UACA: variants seen among roughly 807,000 people sequenced by gnomAD.
The protein encoded by UACA is uveal autoantigen with coiled-coil domains and ankyrin repeats, also known as nuclear membrane binding protein.
Under a neutral mutation model 160.5 loss-of-function variants are expected in UACA, and 112 were observed. The observed-to-expected ratio is 0.70, with a 90% CI of 0.60 to 0.82. The LOEUF is 0.82. UACA is among the 40% of genes least tolerant of loss of function. UACA has a pLI of 0.00. For synonymous variants in UACA, 557 were observed against 568.4 expected, an observed-to-expected ratio of 0.98 and a Z score of 0.29; for missense variants, 1,574 against 1,614.6, an observed-to-expected ratio of 0.97 and a Z score of 0.43.
In UACA at chr15:70,668,531, T is replaced by G. The variant is rs1435955969; in HGVS notation, c.2153A>C (p.Glu718Ala). The G allele has an allele frequency of 3.1e-6, 5 of 1,610,184 alleles. No individual in the cohort carries two copies. Among genetic ancestry groups the G allele is most frequent in the Admixed American group, 1.7e-5 (1 of 59,332 alleles). Residue 718 changes from glutamate (E) to alanine (A), a missense_variant, in exon 16 of 19, where the codon GAA becomes GCA. Physicochemically the swap from Glu to Ala is moderately radical, Grantham distance 107. Transcript: ENST00000322954. ...ATTATCCAAATAAACTTTTTCAATT[T>G]CCTTTTGTAGTGTCTGATTTTTCAA... is the stretch of plus-strand genomic sequence containing the variant. ...LTLKNQTLQK[E>A]IEKVYLDNKL...
rs576352018 is a variant in UACA, at chr15:70,699,582, T to C, written c.157A>G (p.Ile53Val). Reference protein sequence around the residue: ...ERGDVEKVTSILAKKGVNPGK... With the variant: ...ERGDVEKVTSVLAKKGVNPGK... Reference sequence around the variant, plus strand: ...GGATTGACCCCCTTTTTAGCAAGGATTGAGGTCACTTTTTCTACATCCCCC... The same window carrying C: ...GGATTGACCCCCTTTTTAGCAAGGACTGAGGTCACTTTTTCTACATCCCCC... Residue 53 changes from isoleucine (I) to valine (V), a missense_variant, in exon 2 of 19, where the codon ATC becomes GTC. Ile to Val is a conservative substitution (Grantham distance 29). Transcript: ENST00000322954. 2 of 1,611,330 alleles carry C rather than the reference T, an allele frequency of 1.2e-6. No individual in the cohort carries two copies. The highest frequency in any genetic ancestry group is 8.5e-7 in the Non-Finnish European group (1 of 1,179,382).
chr15:70,708,469 T>C (rs1898583669), intron 1 of UACA, among the ~76,000 whole-genome samples: 1 of 152,020 alleles, frequency 6.6e-6, no homozygotes, highest in Non-Finnish European at 1.5e-5. Context: ...ACTATCTTTT[T>C]TTTTTTTTTT....
At chr15:70,659,137 C>T (rs1199745179) in intron 18 of UACA, among the ~76,000 whole-genome samples, 1 of 152,016 alleles carries the variant, frequency 6.6e-6, no homozygotes, top group African/African-American at 2.4e-5. Flanking sequence ...CTAATAATTG[C>T]AATAAACTTT....
At position 70,684,335 on chromosome 15, in the gene UACA, G is replaced by A. The variant is rs1240582913; in HGVS notation, c.714C>T (p.Tyr238=). The change falls in exon 8 of 19, where the codon TAC becomes TAT. Residue 238 remains tyrosine, a synonymous_variant. Coordinates refer to ENST00000322954, the MANE Select transcript of UACA (RefSeq NM_018003.4). The part of the protein sequence containing the change: ...LLDALGHDSS[Y]YARIGDNLDI... ...CCAGATTGTCACCAATTCTTGCATA[G>A]TAAGAACTATCATGGCCAAGCGCAT... The A allele has an allele frequency of 1.2e-6, 2 of 1,613,764 alleles. No homozygotes were observed. Among genetic ancestry groups the A allele is most frequent in the Middle Eastern group, 1.7e-4 (1 of 6,054 alleles).
At chr15:70,680,034 TAAA>T (rs11333471) in intron 9 of UACA, 15 of 141,634 alleles carry the variant, frequency 1.1e-4, no homozygotes, top group Non-Finnish European at 1.2e-4. Context: ...GAACTCAACT[TAAA>T]AAAAAAAAAA....
chr15:70,672,955 G>A (rs1897186702), intron 13 of UACA, among the ~76,000 whole-genome samples: 2 of 152,138 alleles, frequency 1.3e-5, no homozygotes, highest in South Asian at 4.1e-4. Flanking sequence ...AATTAGCTGG[G>A]TGTGGTGGCG....
chr15:70,752,278 G>T (rs1220596174), intron 1 of UACA, among the ~76,000 whole-genome samples: 2 of 149,140 alleles, frequency 1.3e-5, no homozygotes, highest in African/African-American at 4.9e-5. Context: ...TGTAAATCAG[G>T]AAGTGTTTGT....
chr15:70,707,532 G>A (rs1898556046), intron 1 of UACA, among the ~76,000 whole-genome samples: 1 of 151,938 alleles, frequency 6.6e-6, no homozygotes, highest in Non-Finnish European at 1.5e-5. Flanking sequence ...CTAATAAGGG[G>A]CTAATACATA....
intron 9 of UACA, among the ~76,000 whole-genome samples, chr15:70,680,876 A>G (rs1182021980): frequency 6.6e-6 from 1 of 152,206 alleles, no homozygotes; most frequent in Non-Finnish European, 1.5e-5. Context: ...GCCATCTGGT[A>G]GTCACTGGTG....
In UACA at chr15:70,668,709, T is replaced by C; in HGVS notation, c.1975A>G (p.Lys659Glu). ...KLVEMEREHE[K>E]SLSEIRQLKR... Reference sequence around the variant, plus strand: ...AACTGTCTAATTTCACTAAGTGATTTTTCATGTTCTCTTTCCATTTCTACT... The same window carrying C: ...AACTGTCTAATTTCACTAAGTGATTCTTCATGTTCTCTTTCCATTTCTACT... The change falls in exon 16 of 19, where the codon AAA becomes GAA. Residue 659 changes from lysine (K) to glutamate (E), a missense_variant. Physicochemically the swap from Lys to Glu is moderately conservative, Grantham distance 56. Coordinates refer to ENST00000322954, the MANE Select transcript of UACA (RefSeq NM_018003.4). 1 of 1,613,958 alleles carries C rather than the reference T, an allele frequency of 6.2e-7. No homozygotes were observed. Among genetic ancestry groups the C allele is most frequent in the Middle Eastern group, 1.6e-4 (1 of 6,062 alleles).
chr15:70,778,104 G>A, the UACA span, among the ~76,000 whole-genome samples: 2 of 152,228 alleles, frequency 1.3e-5, no homozygotes, highest in East Asian at 3.9e-4. Context: ...AGGAGGCTGA[G>A]GAGGGAGGAT....
At chr15:70,775,006 C>T in the UACA span, among the ~76,000 whole-genome samples, 1 of 152,004 alleles carries the variant, frequency 6.6e-6, no homozygotes, top group Non-Finnish European at 1.5e-5. Flanking sequence ...CTGCAGTGAG[C>T]CGAGATCACG....
chr15:70,759,129 G>C (rs1222219116), intron 1 of UACA, among the ~76,000 whole-genome samples: 1 of 152,080 alleles, frequency 6.6e-6, no homozygotes, highest in Non-Finnish European at 1.5e-5. Flanking sequence ...ATTTAAAGTG[G>C]AATCCCCTTC....
intron 1 of UACA, among the ~76,000 whole-genome samples, chr15:70,729,800 C>T (rs1245448276): frequency 3.6e-5 from 5 of 137,402 alleles, no homozygotes; most frequent in African/African-American, 1.3e-4. Flanking sequence ...GATCTGAGAA[C>T]GGGCAGACTG....
At chr15:70,670,812 A>T (rs1052800832) in intron 15 of UACA, among the ~76,000 whole-genome samples, 1 of 152,182 alleles carries the variant, frequency 6.6e-6, no homozygotes, top group East Asian at 1.9e-4. Flanking sequence ...CTATAATTCA[A>T]ATCTCTTATT....
chr15:70,667,880 A>T lies in UACA; in HGVS notation c.2804T>A (p.Leu935Gln). The part of the protein sequence containing the change: ...LAEHEAKMSS[L>Q]SQSMRKVQDS... ...CTGCACCTTTCTCATGCTCTGACTTAGCGAGCTCATCTTTGCCTCGTGCTC... is the reference window on the plus strand; with the variant it reads ...CTGCACCTTTCTCATGCTCTGACTTTGCGAGCTCATCTTTGCCTCGTGCTC... Residue 935 changes from leucine to glutamine, a missense_variant, in exon 16 of 19, where the codon CTA becomes CAA. Physicochemically the swap from Leu to Gln is moderately radical, Grantham distance 113. Transcript: ENST00000322954. The T allele has an allele frequency of 6.2e-7, 1 of 1,614,096 alleles. No individual in the cohort carries two copies. The highest frequency in any genetic ancestry group is 1.1e-5 in the South Asian group (1 of 91,070).
intron 3 of UACA, among the ~76,000 whole-genome samples, chr15:70,691,944 A>AG (rs1271740228): frequency 2.6e-5 from 4 of 152,206 alleles, no homozygotes; most frequent in Non-Finnish European, 5.9e-5. Flanking sequence ...GAAATGCCAA[A>AG]GGGGGTAGGG....
the UACA span, among the ~76,000 whole-genome samples, chr15:70,771,218 G>A: frequency 6.6e-6 from 1 of 152,226 alleles, no homozygotes; most frequent in Non-Finnish European, 1.5e-5. Flanking sequence ...ATCAACCTCA[G>A]GAAGGAAGAA....
At chr15:70,687,403 CA>C in intron 7 of UACA, 136 bp downstream of exon 7, 2 of 710,354 alleles carry the variant, frequency 2.8e-6, no homozygotes, top group Admixed American at 5.3e-5. Context: ...ATGTTAATTC[CA>C]AGGAAAAGCA....
Sources: gnomAD v4.1 joint callset for allele counts (sites outside exome capture counted in the v4.1 genomes callset) on GRCh38, gnomAD v4.1.1 for gene constraint, MANE v1.5 for transcripts, NCBI Gene and HGNC (gene_info 2026-07-23, HGNC 2026-07-21) for gene names.